The following ZRANB3 variants were observed in gnomAD, a reference collection of about 807,000 sequenced individuals.
ZRANB3 encodes zinc finger RANBP2-type containing 3, also known as DNA annealing helicase and endonuclease ZRANB3.
Under a neutral mutation model 133.8 loss-of-function variants are expected in ZRANB3, and 125 were observed. The ratio of observed to expected loss-of-function variants is 0.93; its 90% CI spans 0.81 to 1.08. The LOEUF (loss-of-function observed/expected upper bound fraction) is 1.08, where lower values mean the gene tolerates loss of function less well. ZRANB3 is among the 50% of genes least tolerant of loss of function. ZRANB3 has a pLI of 0.00. For synonymous variants in ZRANB3, 387 were observed against 432.7 expected (o/e 0.89, Z 1.31); for missense variants, 1,229 against 1,275.5 (o/e 0.96, Z 0.56).
chr2:135,390,665 C>G, intron 3 of ZRANB3, 137 bp downstream of exon 3: 1 of 1,297,292 alleles, frequency 7.7e-7, no homozygotes, highest in South Asian at 1.4e-5. Flanking sequence ...CCCTCCTCAC[C>G]CTCCCATCTT....
chr2:135,370,311 C>T (rs577472724), intron 3 of ZRANB3, among the ~76,000 whole-genome samples: 36 of 151,958 alleles, frequency 2.4e-4, no homozygotes, highest in African/African-American at 7.7e-4. Flanking sequence ...CAGTTTTAGT[C>T]TTTTATCCTT....
chr2:135,480,375 T>A (rs1309820709), intron 2 of ZRANB3, among the ~76,000 whole-genome samples: 6 of 152,124 alleles, frequency 3.9e-5, no homozygotes, highest in Non-Finnish European at 4.4e-5. Context: ...AAATGTTTGT[T>A]CACTGATGCA....
At chr2:135,234,885 A>G (rs1695215270) in intron 12 of ZRANB3, among the ~76,000 whole-genome samples, 1 of 152,186 alleles carries the variant, frequency 6.6e-6, no homozygotes, top group Non-Finnish European at 1.5e-5. Flanking sequence ...AGAACTAGAG[A>G]AGCAAGAGCA....
intron 2 of ZRANB3, among the ~76,000 whole-genome samples, chr2:135,458,042 T>C (rs1223662214): frequency 6.6e-6 from 1 of 152,160 alleles, no homozygotes; most frequent in African/African-American, 2.4e-5. Context: ...AGCTCTTACA[T>C]CTTTGATCTA....
intron 2 of ZRANB3, among the ~76,000 whole-genome samples, chr2:135,468,500 T>C (rs1175511757): frequency 6.6e-6 from 1 of 152,224 alleles, no homozygotes; most frequent in Non-Finnish European, 1.5e-5. Context: ...ACAAAATTTA[T>C]GTATGCTCTG....
chr2:135,251,262 G>C (rs1297596706), intron 12 of ZRANB3, among the ~76,000 whole-genome samples: 2 of 152,184 alleles, frequency 1.3e-5, no homozygotes, highest in Non-Finnish European at 2.9e-5. Context: ...ATTGTATCTA[G>C]GAAGTAACTA....
At chr2:135,493,110 T>C (rs1266638165) in intron 2 of ZRANB3, among the ~76,000 whole-genome samples, 10 of 194 alleles carry the variant, frequency 0.052, no homozygotes, top group African/African-American at 0.1. Flanking sequence ...TATATATATA[T>C]ATATATATAT....
intron 8 of ZRANB3, among the ~76,000 whole-genome samples, chr2:135,288,104 T>C (rs922625870): frequency 5.9e-5 from 9 of 152,162 alleles, no homozygotes; most frequent in African/African-American, 2.2e-4. Flanking sequence ...TTAAAATATG[T>C]CCCCTCTATG....
intron 3 of ZRANB3, among the ~76,000 whole-genome samples, chr2:135,368,037 C>T (rs1352479213): frequency 6.6e-6 from 1 of 151,980 alleles, no homozygotes; most frequent in Non-Finnish European, 1.5e-5. Context: ...CAAAAGAGCA[C>T]AGTCTGTCAA....
chr2:135,229,366 A>ATTT (rs528864234), intron 13 of ZRANB3, among the ~76,000 whole-genome samples: 5 of 136,604 alleles, frequency 3.7e-5, no homozygotes, highest in Non-Finnish European at 3.2e-5. Context: ...CAATGCCAAT[A>ATTT]TTTTTTTTTT....
At chr2:135,351,776 T>C (rs1428330881) in intron 4 of ZRANB3, among the ~76,000 whole-genome samples, 1 of 152,140 alleles carries the variant, frequency 6.6e-6, no homozygotes, top group Admixed American at 6.5e-5. Flanking sequence ...GGTGGACATA[T>C]TGGTATACAC....
At chr2:135,283,500 G>C (rs1019375870) in intron 8 of ZRANB3, among the ~76,000 whole-genome samples, 3 of 150,846 alleles carry the variant, frequency 2.0e-5, no homozygotes, top group Non-Finnish European at 4.4e-5. Flanking sequence ...GTCCCAGCTA[G>C]TTGGGAGGCT....
At chr2:135,262,425 G>T (rs1680010585) in intron 12 of ZRANB3, among the ~76,000 whole-genome samples, 1 of 151,752 alleles carries the variant, frequency 6.6e-6, no homozygotes, top group South Asian at 2.1e-4. Flanking sequence ...TATAATTTCT[G>T]ATCAGTTCTT....
chr2:135,496,793 G>A (rs1692693671), intron 2 of ZRANB3, among the ~76,000 whole-genome samples: 1 of 152,156 alleles, frequency 6.6e-6, no homozygotes, highest in Non-Finnish European at 1.5e-5. Flanking sequence ...AGAAATTTCA[G>A]ACAGTCCTTA....
intron 5 of ZRANB3, among the ~76,000 whole-genome samples, chr2:135,349,485 C>T (rs962876066): frequency 6.6e-6 from 1 of 152,158 alleles, no homozygotes; most frequent in Non-Finnish European, 1.5e-5. Flanking sequence ...AAACACATGC[C>T]TTATTCTTTC....
intron 17 of ZRANB3, among the ~76,000 whole-genome samples, chr2:135,210,863 T>G (rs1318143552): frequency 6.6e-6 from 1 of 152,148 alleles, no homozygotes; most frequent in Non-Finnish European, 1.5e-5. Flanking sequence ...ACCCTGTCTC[T>G]ACTAAAAGTA....
intron 8 of ZRANB3, among the ~76,000 whole-genome samples, chr2:135,301,379 T>A (rs1293048409): frequency 6.6e-6 from 1 of 151,874 alleles, no homozygotes; most frequent in Non-Finnish European, 1.5e-5. Context: ...AGAGATGGAG[T>A]TTCACCATGT....
Position 135,353,553 on chromosome 2 carries a change from C to T in ZRANB3, c.256G>A (p.Val86Ile). 6.2e-7 allele frequency: 1 copy of T among 1,610,276 alleles called. No homozygotes were observed. The highest frequency in any genetic ancestry group is 8.5e-7 in the Non-Finnish European group (1 of 1,177,668). The part of the protein sequence containing the change: ...YKEEWPLLIV[V>I]PSSLRYPWTE... ...CAAGGGTACCTCAGAGACGAAGGGA[C>T]CACTATTAACAGAGGCCATTCCTCT... Residue 86 changes from valine to isoleucine, a missense_variant, in exon 4 of 21, where the codon GTC becomes ATC. By Grantham distance (29) the Val-to-Ile change is conservative. Coordinates refer to ENST00000264159, the MANE Select transcript of ZRANB3 (RefSeq NM_032143.4).
At chr2:135,407,763 T>A (rs1460852721) in intron 2 of ZRANB3, among the ~76,000 whole-genome samples, 1 of 149,744 alleles carries the variant, frequency 6.7e-6, no homozygotes, top group Admixed American at 6.6e-5. Flanking sequence ...GAAAACTGGC[T>A]AGCCATATGT....
Sources: allele counts gnomAD v4.1 joint callset (sites outside exome capture counted in the v4.1 genomes callset), GRCh38; gene constraint gnomAD v4.1.1; transcripts MANE v1.5; gene names NCBI Gene and HGNC (gene_info 2026-07-23, HGNC 2026-07-21).